Variants in DNAH14 observed in about 807,000 individuals in gnomAD.
The protein encoded by DNAH14 is dynein axonemal heavy chain 14.
Under a neutral mutation model 520.9 loss-of-function variants are expected in DNAH14, and 478 were observed. The ratio of observed to expected loss-of-function variants is 0.92; its 90% confidence interval spans 0.85 to 0.99. The LOEUF is 0.99. DNAH14 is among the 50% of genes least tolerant of loss of function. The pLI is 0.00. For synonymous variants in DNAH14, 1,581 were observed against 1,757.2 expected, an observed-to-expected ratio of 0.90 and a Z score of 2.51; for missense variants, 4,831 against 5,234.5, an observed-to-expected ratio of 0.92 and a Z score of 2.38.
chr1:225,031,272 C>T (rs79958247), intron 11 of DNAH14, among the ~76,000 whole-genome samples: 8,372 of 152,076 alleles, frequency 0.055, 473 homozygotes, highest in East Asian at 0.24. Context: ...CTTTGGTAGA[C>T]AATTTAAGAA....
At chr1:225,064,779 G>T (rs901074357) in intron 17 of DNAH14, among the ~76,000 whole-genome samples, 1 of 151,958 alleles carries the variant, frequency 6.6e-6, no homozygotes, top group African/African-American at 2.4e-5. Context: ...GGAGGAGATT[G>T]GGATGGGTCA....
At chr1:225,301,199 G>A (rs145742945) in intron 56 of DNAH14, among the ~76,000 whole-genome samples, 169 bp downstream of exon 56, 98 of 152,170 alleles carry the variant, frequency 6.4e-4, no homozygotes, top group African/African-American at 2.3e-3. Flanking sequence ...CCCTTCGGTA[G>A]GTCAAAAACT....
chr1:225,236,531 ACCAGGT>A (rs1023819149), intron 42 of DNAH14, among the ~76,000 whole-genome samples: 7 of 152,216 alleles, frequency 4.6e-5, no homozygotes, highest in African/African-American at 1.7e-4. Context: ...GTAGATATCT[ACCAGGT>A]CCACTTAATC....
intron 71 of DNAH14, among the ~76,000 whole-genome samples, chr1:225,347,716 G>A (rs1469850310): frequency 1.3e-5 from 2 of 152,140 alleles, no homozygotes; most frequent in Admixed American, 1.3e-4. Flanking sequence ...TGATTGGTGA[G>A]GGTTTTCCCC....
intron 60 of DNAH14, among the ~76,000 whole-genome samples, chr1:225,317,868 A>G (rs1332716475): frequency 2.0e-5 from 3 of 152,220 alleles, no homozygotes; most frequent in African/African-American, 7.2e-5. Context: ...CTATTACAAT[A>G]TGACCTCTGG....
intron 54 of DNAH14, among the ~76,000 whole-genome samples, chr1:225,280,598 CA>C (rs545879634): frequency 1.0e-3 from 126 of 125,094 alleles, no homozygotes; most frequent in Admixed American, 2.3e-3. Context: ...GAGTCCATCT[CA>C]AAAAAAAAAA....
intron 39 of DNAH14, among the ~76,000 whole-genome samples, chr1:225,205,093 T>C (rs2087354511): frequency 6.6e-6 from 1 of 152,112 alleles, no homozygotes; most frequent in African/African-American, 2.4e-5. Flanking sequence ...TATTCATACC[T>C]CCCCTATCCT....
intron 77 of DNAH14, among the ~76,000 whole-genome samples, chr1:225,373,905 C>T (rs2095651590): frequency 1.3e-5 from 2 of 151,244 alleles, no homozygotes; most frequent in Admixed American, 1.3e-4. Flanking sequence ...GCAGGCGGAT[C>T]GCTTGAGCGC....
At chr1:224,954,064 C>T (rs530569575) in intron 2 of DNAH14, among the ~76,000 whole-genome samples, 2 of 151,802 alleles carry the variant, frequency 1.3e-5, no homozygotes, top group East Asian at 3.9e-4. Flanking sequence ...ATAACTACTA[C>T]ACATTGTTAA....
chr1:225,303,186 A>G lies in DNAH14; in HGVS notation c.8662A>G (p.Ile2888Val). ...RIYKNLHIFVIMSPEGPSFRQ... is the reference protein window; with the variant it reads ...RIYKNLHIFVVMSPEGPSFRQ... ...ATATAAAAATCTTCATATTTTTGTG[A>G]TCATGAGTCCTGAAGGACCTAGCTT... The change falls in exon 57 of 86, where the codon ATC (isoleucine) becomes GTC (valine). Residue 2888 changes from isoleucine (I) to valine (V), a missense_variant. Physicochemically the swap from Ile to Val is conservative, Grantham distance 29 (BLOSUM62 3). Transcript: ENST00000682510. 1 of 1,503,764 alleles carries G rather than the reference A, an allele frequency of 6.6e-7. No homozygotes were observed. Among genetic ancestry groups the G allele is most frequent in the Non-Finnish European group, 8.9e-7 (1 of 1,128,664 alleles). The allele number at this position is 1,503,764 out of a possible 1,614,324, so 93.2% of individuals were successfully genotyped here.
chr1:225,129,868 A>T (rs2078193852), intron 27 of DNAH14, among the ~76,000 whole-genome samples: 2 of 152,246 alleles, frequency 1.3e-5, no homozygotes, highest in Non-Finnish European at 2.9e-5. Flanking sequence ...AACTACCATC[A>T]GAGTGAATAG....
chr1:224,932,551 C>T, intron 1 of DNAH14, among the ~76,000 whole-genome samples: 1 of 150,974 alleles, frequency 6.6e-6, no homozygotes, highest in East Asian at 1.9e-4. Context: ...GGAGAGTTTT[C>T]CCTAGTTTTG....
chr1:225,056,097 T>C (rs1438910409), intron 17 of DNAH14, among the ~76,000 whole-genome samples: 1 of 151,950 alleles, frequency 6.6e-6, no homozygotes, highest in African/African-American at 2.4e-5. Context: ...TCTAGATCCC[T>C]GAGGAATCAC....
At chr1:224,977,453 A>G (rs1558576267) in intron 8 of DNAH14, among the ~76,000 whole-genome samples, 1 of 152,170 alleles carries the variant, frequency 6.6e-6, no homozygotes, top group East Asian at 1.9e-4. Flanking sequence ...TAACGTGCAC[A>G]TTGTGCACAT....
intron 84 of DNAH14, chr1:225,396,461 G>A (rs1345597066): frequency 1.3e-5 from 2 of 152,170 alleles, no homozygotes; most frequent in Non-Finnish European, 2.9e-5. Flanking sequence ...GGTTCAAAGA[G>A]GCAGATCATA....
In DNAH14 at chr1:225,079,305, A is replaced by G; in HGVS notation, c.2523A>G (p.Ile841Met). ...FIFLNAISSK[I>M]SKLEKEFLTM... ...TTTTGAATGCAATTTCCTCAAAAATATCTAAATTAGAAAAAGAGTTCTTAA... is the reference window on the plus strand; with the variant it reads ...TTTTGAATGCAATTTCCTCAAAAATGTCTAAATTAGAAAAAGAGTTCTTAA... Residue 841 changes from isoleucine to methionine, a missense_variant, in exon 18 of 86, where the codon ATA (isoleucine) becomes ATG (methionine). Ile to Met is a conservative substitution (Grantham distance 10, BLOSUM62 1). Coordinates refer to ENST00000682510, the MANE Select transcript of DNAH14 (RefSeq NM_001367479.1). 4 of 1,549,862 alleles carry G rather than the reference A, an allele frequency of 2.6e-6. No individual in the cohort carries two copies. The highest frequency in any genetic ancestry group is 1.2e-5 in the South Asian group (1 of 83,582).
At chr1:225,355,547 A>ATAC (rs1235192842) in intron 73 of DNAH14, among the ~76,000 whole-genome samples, 3 of 152,200 alleles carry the variant, frequency 2.0e-5, no homozygotes, top group Non-Finnish European at 4.4e-5. Context: ...CCACCTCTTA[A>ATAC]TACTAACACA....
chr1:225,209,460 T>G (rs1178207236), intron 41 of DNAH14, among the ~76,000 whole-genome samples: 1 of 152,188 alleles, frequency 6.6e-6, no homozygotes, highest in Non-Finnish European at 1.5e-5. Context: ...TGTTATAGCC[T>G]CATTTTAAGG....
Position 225,318,617 on chromosome 1 carries a change from C to A in DNAH14, c.9275C>A (p.Ala3092Asp). 1.3e-6 allele frequency: 2 copies of A among 1,548,466 alleles called. No homozygotes were observed. The highest frequency in any genetic ancestry group is 1.7e-6 in the Non-Finnish European group (2 of 1,145,350). The change falls in exon 61 of 86, where the codon GCC (alanine) becomes GAC (aspartate). Residue 3092 changes from alanine to aspartate, a missense_variant. Transcript: ENST00000682510. ...TANELKSVLP[A>D]FDKAIVALNA... ...AATGAACTAAAAAGTGTGCTGCCAG[C>A]CTTTGACAAGGCAATTGTGGCTCTG... is the stretch of plus-strand genomic sequence containing the variant.
Sources: allele counts gnomAD v4.1 joint callset (sites outside exome capture counted in the v4.1 genomes callset), GRCh38; gene constraint gnomAD v4.1.1; transcripts MANE v1.5; gene names NCBI Gene and HGNC (gene_info 2026-07-23, HGNC 2026-07-21).